TBXAS1: variants seen among roughly 807,000 people sequenced by gnomAD.
TBXAS1 encodes thromboxane A synthase 1, also known as thromboxane-A synthase.
TBXAS1 carries 48 observed loss-of-function variants against 60.7 expected under a neutral mutation model. The ratio of observed to expected loss-of-function variants is 0.79; its 90% confidence interval spans 0.63 to 1.01. The LOEUF is 1.01. TBXAS1 is among the 50% of genes least tolerant of loss of function. The pLI, the probability that TBXAS1 is intolerant of heterozygous loss-of-function variation, is 0.00. For synonymous variants in TBXAS1, 287 were observed against 269.7 expected (o/e 1.06, Z -0.63); for missense variants, 685 against 686.3 (o/e 1.00, Z 0.02).
At chr7:139,913,500 C>T (rs376843357) in intron 4 of TBXAS1, 59 of 269,184 alleles carry the variant, frequency 2.2e-4, no homozygotes, top group African/African-American at 1.2e-3. Context: ...CTCCATATTT[C>T]CTCCCATGAT....
chr7:139,856,886 C>G lies in TBXAS1; in HGVS notation c.90-15349C>G, dbSNP rs77651412. ...TGTCAGCGGTGGAGGCTTTTAACAT[C>G]AGACGCTTTCAGGGCGTTATGGCGT... On this transcript the variant is annotated intron_variant, in intron 1 of 12. Coordinates refer to ENST00000448866, the MANE Select transcript of TBXAS1 (RefSeq NM_001061.7). Among the ~76,000 whole-genome samples, 6 of 152,306 alleles carry G rather than the reference C, an allele frequency of 3.9e-5. No individual in the cohort carries two copies. The East Asian group carries it at 1.2e-3, about 29-fold the overall frequency.
chr7:139,862,858 T>A (rs1801069430), intron 1 of TBXAS1, among the ~76,000 whole-genome samples: 1 of 152,212 alleles, frequency 6.6e-6, no homozygotes, highest in African/African-American at 2.4e-5. Flanking sequence ...CTGCCTTTGT[T>A]CTCAGCATAT....
intron 1 of TBXAS1, among the ~76,000 whole-genome samples, chr7:139,848,529 G>A (rs1464860018): frequency 6.6e-6 from 1 of 152,180 alleles, no homozygotes; most frequent in East Asian, 1.9e-4. Context: ...CTCATGGTCT[G>A]TATGTTCACT....
chr7:139,953,782 A>G (rs543323418), intron 6 of TBXAS1, among the ~76,000 whole-genome samples: 2 of 152,350 alleles, frequency 1.3e-5, no homozygotes, highest in East Asian at 3.9e-4. Context: ...TTCAAGAAAA[A>G]TTGTGGTGCA....
Position 140,013,827 on chromosome 7 carries a change from T to A in TBXAS1, c.1227-1896T>A, listed in dbSNP as rs1332228687. 6.6e-6 allele frequency among the ~76,000 whole-genome samples: 1 copy of A among 152,216 alleles called. No individual in the cohort carries two copies. Among genetic ancestry groups the A allele is most frequent in the East Asian group, 1.9e-4 (1 of 5,204 alleles). On this transcript the variant is annotated intron_variant, in intron 10 of 12. Transcript: ENST00000448866. The surrounding 1 kb of genome is among the most constrained non-coding windows in gnomAD (Gnocchi z 4.2). ...CAACACACCTGACCTGCTCATGGCC[T>A]TAATCCCAAACCCAGGTCCTAAACT... is the stretch of plus-strand genomic sequence containing the variant.
chr7:139,915,418 T>A (rs1805893198), intron 4 of TBXAS1, among the ~76,000 whole-genome samples: 1 of 152,236 alleles, frequency 6.6e-6, no homozygotes, highest in East Asian at 1.9e-4. Flanking sequence ...AAATGCTTAC[T>A]CCATGCAGGC....
chr7:139,914,707 T>C (rs1344160549), intron 4 of TBXAS1, among the ~76,000 whole-genome samples: 1 of 152,148 alleles, frequency 6.6e-6, no homozygotes, highest in Non-Finnish European at 1.5e-5. Context: ...ACTTTTCCCC[T>C]TCCCTGAACT....
rs192756623 is a variant in TBXAS1, at chr7:139,802,576, G to A, written c.-80+15150G>A. ...GAAGTGGGTAGATTACCTGAGGTTAGGAGTTCAAGACCAACCTGGCCAACA... is the reference window on the plus strand; with the variant it reads ...GAAGTGGGTAGATTACCTGAGGTTAAGAGTTCAAGACCAACCTGGCCAACA... On this transcript the variant is annotated intron_variant, in intron 4 of 16. Coordinates refer to the TBXAS1 transcript ENST00000336425. 1.7e-3 allele frequency among the ~76,000 whole-genome samples: 257 copies of A among 152,324 alleles called. 2 individuals are homozygous for A. The highest frequency in any genetic ancestry group is 6.0e-3 in the African/African-American group (249 of 41,578).
At position 139,923,325 on chromosome 7, in the gene TBXAS1, CGA is replaced by C. The variant is rs146019005; in HGVS notation, c.333+12019_333+12020del. On this transcript the variant is annotated intron_variant, in intron 4 of 12. Coordinates refer to ENST00000448866, the MANE Select transcript of TBXAS1 (RefSeq NM_001061.7). Reference sequence around the variant, plus strand: ...TTGAGCAACAGAGCGAGACCCTGTCCGAGAGAGAGAGAGAGACGCAAGAGAGA... The same window carrying C: ...TTGAGCAACAGAGCGAGACCCTGTCCGAGAGAGAGAGAGACGCAAGAGAGA... Among the ~76,000 whole-genome samples the C allele has an allele frequency of 6.0e-4, 90 of 149,470 alleles. 1 individual carries two copies. Among genetic ancestry groups the C allele is most frequent in the Admixed American group, 1.1e-3 (16 of 14,998 alleles).
chr7:139,933,327 A>G (rs1047196401), intron 4 of TBXAS1, among the ~76,000 whole-genome samples: 1 of 152,172 alleles, frequency 6.6e-6, no homozygotes, highest in Non-Finnish European at 1.5e-5. Context: ...CTTCACTCTT[A>G]TCTCTAATTT....
At chr7:139,843,932 C>T (rs1311028323) in intron 1 of TBXAS1, among the ~76,000 whole-genome samples, 3 of 152,190 alleles carry the variant, frequency 2.0e-5, no homozygotes, top group Admixed American at 6.5e-5. Context: ...GGCAGAATGC[C>T]TTGCACAAGG....
intron 1 of TBXAS1, among the ~76,000 whole-genome samples, chr7:139,851,322 T>C (rs1585630643): frequency 6.6e-6 from 1 of 152,190 alleles, no homozygotes; most frequent in Non-Finnish European, 1.5e-5. Flanking sequence ...AGTTTCCCCA[T>C]CTGTATAATG....
intron 9 of TBXAS1, among the ~76,000 whole-genome samples, chr7:139,981,038 A>G (rs1313202271): frequency 2.6e-5 from 4 of 152,168 alleles, no homozygotes; most frequent in Admixed American, 1.3e-4. Context: ...ACAACAACAA[A>G]AAACTAAGCA....
chr7:139,881,987 G>A (rs555317259), intron 3 of TBXAS1, among the ~76,000 whole-genome samples: 65 of 152,296 alleles, frequency 4.3e-4, no homozygotes, highest in African/African-American at 1.5e-3. Context: ...TAACAAGGTC[G>A]TTTCAACACT....
intron 3 of TBXAS1, among the ~76,000 whole-genome samples, chr7:139,902,719 G>C (rs1438570393): frequency 2.6e-5 from 4 of 152,110 alleles, no homozygotes; most frequent in Non-Finnish European, 5.9e-5. Flanking sequence ...CTTCACATCA[G>C]CAACTTATAA....
At chr7:139,984,640 G>GGGAGAAAGAA (rs1812228999) in intron 9 of TBXAS1, among the ~76,000 whole-genome samples, 2 of 99,784 alleles carry the variant, frequency 2.0e-5, no homozygotes, top group African/African-American at 3.9e-5. Context: ...GAGAGAGAGA[G>GGGAGAAAGAA]AGAAAGAAAG....
At chr7:139,868,350 A>G (rs1268044019) in intron 1 of TBXAS1, among the ~76,000 whole-genome samples, 1 of 152,206 alleles carries the variant, frequency 6.6e-6, no homozygotes, top group African/African-American at 2.4e-5. Context: ...AGATATTTAA[A>G]AACAACTTTT....
chr7:140,011,712 C>T lies in TBXAS1; in HGVS notation c.1227-4011C>T, dbSNP rs115196683. On this transcript the variant is annotated intron_variant, in intron 10 of 12. Coordinates refer to ENST00000448866, the MANE Select transcript of TBXAS1 (RefSeq NM_001061.7). Reference sequence around the variant, plus strand: ...GGAGGGAGTTAGTGTTTAAGGGATCCAGAATTTCAGTGGGGGAAGAGGAAA... The same window carrying T: ...GGAGGGAGTTAGTGTTTAAGGGATCTAGAATTTCAGTGGGGGAAGAGGAAA... Among the ~76,000 whole-genome samples the T allele has an allele frequency of 9.9e-4, 150 of 152,120 alleles. 1 individual carries two copies. The highest frequency in any genetic ancestry group is 3.4e-3 in the African/African-American group (143 of 41,490).
chr7:139,888,830 T>C (rs4726420), intron 3 of TBXAS1, among the ~76,000 whole-genome samples: 20,076 of 151,960 alleles, frequency 0.13, 1,403 homozygotes, highest in Admixed American at 0.19. Flanking sequence ...CAGTGGCAGA[T>C]GAGAGAGAAC....
Sources: allele counts gnomAD v4.1 joint callset (sites outside exome capture counted in the v4.1 genomes callset), GRCh38; gene constraint gnomAD v4.1.1; non-coding constraint Gnocchi (gnomAD v3.1); transcripts MANE v1.5; gene names NCBI Gene and HGNC (gene_info 2026-07-23, HGNC 2026-07-21).